COQ5: variants seen among roughly 807,000 people sequenced by gnomAD.
COQ5 encodes 2-methoxy-6-polyprenyl-1,4-benzoquinol methylase, mitochondrial.
A neutral mutation model predicts 40.5 loss-of-function variants in COQ5; 27 were observed. The ratio of observed to expected loss-of-function variants is 0.67; its 90% CI spans 0.49 to 0.92. COQ5 has a LOEUF of 0.92. Ranked by LOEUF, COQ5 falls within the 40% of genes least tolerant of loss-of-function variation. The probability of loss-of-function intolerance (pLI) is 0.00; values close to 1 mark genes in which losing one functional copy is unlikely to be tolerated. For missense variants in COQ5, 409 were observed against 406.4 expected (o/e 1.01, Z -0.06); for synonymous variants, 141 against 150.0 (o/e 0.94, Z 0.44).
intron 4 of COQ5, among the ~76,000 whole-genome samples, chr12:120,507,093 C>G (rs777209276): frequency 6.6e-6 from 1 of 152,096 alleles, no homozygotes; most frequent in Non-Finnish European, 1.5e-5. Context: ...CTCGGCCTCC[C>G]GAAGTGCTGG....
chr12:120,523,034 TA>T (rs71076626), intron 1 of COQ5: 1,810 of 431,174 alleles, frequency 4.2e-3, no homozygotes, highest in South Asian at 6.1e-3. Context: ...GAGATTCTTA[TA>T]AAAAAAAAAG....
intron 5 of COQ5, 139 bp downstream of exon 5, chr12:120,504,756 T>C: frequency 1.3e-6 from 1 of 748,652 alleles, no homozygotes; most frequent in Non-Finnish European, 2.4e-6. Context: ...GGCCTAGGTA[T>C]TGTCATTCAG....
chr12:120,528,996 G>A lies in COQ5; in HGVS notation c.146C>T (p.Ala49Val), dbSNP rs763567310. ...CTCAAACCCAAAGTGCGTTTCCGCT[G>A]CCCGCTTCTCTTGGGACAAGAGCCG... ...SARLLSQEKR[A>V]AETHFGFETV... The change falls in exon 1 of 7, where the codon GCA becomes GTA. Residue 49 changes from alanine to valine, a missense_variant. By Grantham distance (64) the Ala-to-Val change is moderately conservative (BLOSUM62 0). Coordinates refer to ENST00000288532, the MANE Select transcript of COQ5 (RefSeq NM_032314.4). The A allele has an allele frequency of 4.7e-5, 76 of 1,613,912 alleles. No individual in the cohort carries two copies. Among genetic ancestry groups the A allele is most frequent in the Non-Finnish European group, 6.1e-5 (72 of 1,180,030 alleles).
chr12:120,522,158 A>C (rs1443630797), intron 2 of COQ5, 56 bp downstream of exon 2: 66 of 1,592,074 alleles, frequency 4.1e-5, no homozygotes, highest in Non-Finnish European at 4.7e-5. Context: ...TACAAGAGAG[A>C]CTAATTTCTG....
At chr12:120,523,910 T>C in intron 1 of COQ5, 1 of 417,206 alleles carries the variant, frequency 2.4e-6, no homozygotes, top group Non-Finnish European at 4.8e-6. Flanking sequence ...CTCGGGTGGT[T>C]GGGGCAGGAG....
chr12:120,522,500 C>T (rs1005129758), intron 1 of COQ5, 137 bp from the exon 2 acceptor site: 25 of 787,458 alleles, frequency 3.2e-5, no homozygotes, highest in Admixed American at 2.4e-4. Flanking sequence ...ATGCTTGATG[C>T]CCAAATCTAC....
chr12:120,521,358 C>T (rs1245500533), intron 2 of COQ5, among the ~76,000 whole-genome samples: 1 of 151,774 alleles, frequency 6.6e-6, no homozygotes, highest in Non-Finnish European at 1.5e-5. Context: ...TGAGCCGCTG[C>T]GGCCAGCCAA....
At chr12:120,526,357 G>T (rs1869943558) in intron 1 of COQ5, 2 of 389,848 alleles carry the variant, frequency 5.1e-6, no homozygotes, top group South Asian at 3.7e-5. Flanking sequence ...AGTGTCAGTG[G>T]AGTTATAGGA....
At chr12:120,510,154 T>G in intron 3 of COQ5, 31 bp from the exon 4 acceptor site, 1 of 1,532,906 alleles carries the variant, frequency 6.5e-7, no homozygotes, top group Non-Finnish European at 9.0e-7. Flanking sequence ...CGGGTCTCAG[T>G]GTGGGTAGCT....
intron 1 of COQ5, 152 bp downstream of exon 1, chr12:120,528,788 G>T (rs1224984885): frequency 4.0e-6 from 3 of 741,574 alleles, no homozygotes; most frequent in Non-Finnish European, 7.0e-6. Context: ...TGGGCAACAA[G>T]AGCGAAATTC....
chr12:120,509,640 G>A (rs1456296904), intron 4 of COQ5, among the ~76,000 whole-genome samples: 1 of 152,124 alleles, frequency 6.6e-6, no homozygotes, highest in African/African-American at 2.4e-5. Flanking sequence ...TGTGGTTTCA[G>A]TCTTTTTCAA....
At position 120,522,246 on chromosome 12, in the gene COQ5, C is replaced by T. The variant is rs749794765; in HGVS notation, c.320G>A (p.Gly107Glu). Residue 107 changes from glycine (G) to glutamate (E), a missense_variant, in exon 2 of 7, where the codon GGG (glycine) becomes GAG (glutamate). By Grantham distance (98) the Gly-to-Glu change is moderately conservative. Coordinates refer to ENST00000288532, the MANE Select transcript of COQ5 (RefSeq NM_032314.4). ...LLLWKMHPLP[G>E]TQLLDVAGGT... ...TCCAGCAACATCAAGCAGCTGGGTC[C>T]CAGGAAGCGGGTGCATCTTCCAGAG... The T allele has an allele frequency of 6.8e-6, 11 of 1,614,112 alleles. No individual in the cohort carries two copies. In the South Asian group the frequency reaches 7.7e-5, roughly 11 times the overall value.
Position 120,503,288 on chromosome 12 carries a change from A to G in COQ5, c.*496T>C, listed in dbSNP as rs1404840450. On this transcript the variant is annotated 3_prime_UTR_variant, in exon 7 of 7. Coordinates refer to ENST00000288532, the MANE Select transcript of COQ5 (RefSeq NM_032314.4). Reference sequence around the variant, plus strand: ...AAAATGACAAGTACCATCAAAAGGTAAACTCGTTTACTGGTTCAGCACACA... The same window carrying G: ...AAAATGACAAGTACCATCAAAAGGTGAACTCGTTTACTGGTTCAGCACACA... 3.8e-6 allele frequency: 1 copy of G among 265,464 alleles called. No individual in the cohort carries two copies. Among genetic ancestry groups the G allele is most frequent in the Non-Finnish European group, 7.5e-6 (1 of 132,886 alleles). 16.4% of individuals were successfully genotyped at this position (265,464 alleles called of 1,614,324 possible).
chr12:120,509,042 T>C (rs1008514336), intron 4 of COQ5, among the ~76,000 whole-genome samples: 1 of 147,862 alleles, frequency 6.8e-6, no homozygotes, highest in Non-Finnish European at 1.5e-5. Flanking sequence ...AAAAAAAAAG[T>C]TTTCATTCAA....
At chr12:120,505,220 C>T (rs767136099) in intron 4 of COQ5, among the ~76,000 whole-genome samples, 6 of 152,170 alleles carry the variant, frequency 3.9e-5, no homozygotes, top group Non-Finnish European at 7.3e-5. Flanking sequence ...AAACTGACTA[C>T]AGATTGGTAC....
chr12:120,518,483 C>A (rs1869491710), intron 2 of COQ5, among the ~76,000 whole-genome samples: 1 of 150,184 alleles, frequency 6.7e-6, no homozygotes, highest in Non-Finnish European at 1.5e-5. Context: ...ACACTATTTC[C>A]AAGAAATATA....
In COQ5 at chr12:120,503,375, T is replaced by C; in HGVS notation, c.*409A>G. Reference sequence around the variant, plus strand: ...ACTTCGTCCTAGGCTGAAAGGTTGATTCAGGTACAATTAAATTTTCTGGTT... The same window carrying C: ...ACTTCGTCCTAGGCTGAAAGGTTGACTCAGGTACAATTAAATTTTCTGGTT... On this transcript the variant is annotated 3_prime_UTR_variant, in exon 7 of 7. Coordinates refer to ENST00000288532, the MANE Select transcript of COQ5 (RefSeq NM_032314.4). 2.7e-6 allele frequency: 1 copy of C among 365,480 alleles called. No homozygotes were observed. The highest frequency in any genetic ancestry group is 5.3e-6 in the Non-Finnish European group (1 of 186,978). The allele number at this position is 365,480 out of a possible 1,614,324, so 22.6% of individuals were successfully genotyped here.
intron 4 of COQ5, 88 bp downstream of exon 4, chr12:120,509,929 A>AACTCTCCTTCTTTCCTC: frequency 9.1e-7 from 1 of 1,104,136 alleles, no homozygotes. Context: ...CAAAAAACAA[A>AACTCTCCTTCTTTCCTC]ACTCTCCTTC....
intron 3 of COQ5, among the ~76,000 whole-genome samples, chr12:120,514,074 T>A (rs1869267626): frequency 6.6e-6 from 1 of 152,200 alleles, no homozygotes; most frequent in African/African-American, 2.4e-5. Context: ...TTCAATATCT[T>A]TGTTTTCCGT....
Sources: gnomAD v4.1 joint callset for allele counts (sites outside exome capture counted in the v4.1 genomes callset) on GRCh38, gnomAD v4.1.1 for gene constraint, MANE v1.5 for transcripts, NCBI Gene and HGNC (gene_info 2026-07-23, HGNC 2026-07-21) for gene names.